The following RAD51B variants were observed in gnomAD, a reference collection of about 807,000 sequenced individuals.
The protein encoded by RAD51B is RAD51 paralog B.
RAD51B carries 38 observed loss-of-function variants against 42.2 expected under a neutral mutation model. The ratio of observed to expected loss-of-function variants is 0.90; its 90% CI spans 0.70 to 1.18. The LOEUF is 1.18. Ranked by LOEUF, RAD51B falls within the 50% of genes most tolerant of loss-of-function variation. The pLI, the probability that RAD51B is intolerant of heterozygous loss-of-function variation, is 0.00. For synonymous variants in RAD51B, 154 were observed against 145.2 expected, an observed-to-expected ratio of 1.06 and a Z score of -0.43; for missense variants, 373 against 400.7, an observed-to-expected ratio of 0.93 and a Z score of 0.59.
At position 67,821,116 on chromosome 14, in the gene RAD51B, A is replaced by G. The variant is rs182409933; in HGVS notation, c.-3+1263A>G. ...ATTGTGACACTGATCTGACTTTTGC[A>G]GGCGAATTTGGGGCTTCTTCCTGTC... is the stretch of plus-strand genomic sequence containing the variant. On this transcript the variant is annotated intron_variant, in intron 1 of 10. Coordinates refer to ENST00000471583, the MANE Select transcript of RAD51B (RefSeq NM_133510.4). Among the ~76,000 whole-genome samples the G allele has an allele frequency of 1.1e-4, 17 of 152,360 alleles. No homozygotes were observed. The East Asian group carries it at 3.3e-3, about 29-fold the overall frequency.
intron 8 of RAD51B, among the ~76,000 whole-genome samples, chr14:68,342,215 G>T (rs896217229): frequency 2.0e-5 from 3 of 152,112 alleles, no homozygotes; most frequent in Admixed American, 6.5e-5. Flanking sequence ...CCAATCCTTG[G>T]AACACAGAAG....
At chr14:68,633,342 C>T (rs953450854) in intron 10 of RAD51B, among the ~76,000 whole-genome samples, 2 of 152,098 alleles carry the variant, frequency 1.3e-5, no homozygotes, top group Admixed American at 6.6e-5. Context: ...AGAGCTACAA[C>T]GCCAAGGCTC....
chr14:67,932,260 T>C (rs2044766446), intron 7 of RAD51B, among the ~76,000 whole-genome samples: 1 of 152,256 alleles, frequency 6.6e-6, no homozygotes, highest in Admixed American at 6.5e-5. Flanking sequence ...GGGTGGGCTC[T>C]TTGGCTTTGA....
intron 11 of RAD51B, among the ~76,000 whole-genome samples, chr14:68,682,267 G>A (rs572870454): frequency 3.3e-5 from 5 of 152,166 alleles, no homozygotes; most frequent in South Asian, 4.2e-4. Context: ...ATCTGTCTCC[G>A]GTAAACCTAA....
At chr14:68,459,978 C>T (rs1427326351) in intron 9 of RAD51B, among the ~76,000 whole-genome samples, 1 of 152,188 alleles carries the variant, frequency 6.6e-6, no homozygotes, top group African/African-American at 2.4e-5. Context: ...GTACAGGAAG[C>T]CTTCCTGGCA....
chr14:68,494,872 GA>G (rs1231440005), intron 10 of RAD51B, among the ~76,000 whole-genome samples: 1 of 152,008 alleles, frequency 6.6e-6, no homozygotes. Flanking sequence ...AACAGGGACA[GA>G]AAAAAATGGA....
intron 8 of RAD51B, among the ~76,000 whole-genome samples, chr14:68,408,514 C>T (rs2084338138): frequency 2.0e-5 from 3 of 152,166 alleles, no homozygotes; most frequent in Non-Finnish European, 4.4e-5. Flanking sequence ...GGGCTCTCAT[C>T]CTTTTCAAAG....
At chr14:67,927,381 T>C (rs2044553688) in intron 7 of RAD51B, among the ~76,000 whole-genome samples, 1 of 152,224 alleles carries the variant, frequency 6.6e-6, no homozygotes, top group African/African-American at 2.4e-5. Context: ...ATATACATAA[T>C]ATTGTTACTA....
intron 10 of RAD51B, among the ~76,000 whole-genome samples, chr14:68,515,748 ATTTC>A (rs146518606): frequency 0.16 from 21,644 of 133,610 alleles, 1,937 homozygotes; most frequent in Non-Finnish European, 0.24. Context: ...AGGTGAACCA[ATTTC>A]TTTCTTTCTT....
At chr14:68,570,059 T>G (rs1889617224) in intron 10 of RAD51B, among the ~76,000 whole-genome samples, 1 of 152,264 alleles carries the variant, frequency 6.6e-6, no homozygotes, top group Admixed American at 6.5e-5. Context: ...ATTTTGTAGC[T>G]GACGGACATT....
At chr14:68,371,890 A>T (rs1332989275) in intron 8 of RAD51B, among the ~76,000 whole-genome samples, 4 of 152,256 alleles carry the variant, frequency 2.6e-5, no homozygotes, top group Non-Finnish European at 5.9e-5. Flanking sequence ...ATGCAAGTGG[A>T]CAATGACAAA....
intron 10 of RAD51B, among the ~76,000 whole-genome samples, chr14:68,475,680 A>G (rs10149340): frequency 0.43 from 65,316 of 151,728 alleles, 14,742 homozygotes; most frequent in African/African-American, 0.57. Flanking sequence ...GTTTTTTCCT[A>G]CCTCCACTTT....
rs994602478 is a variant in RAD51B at position 67,834,342 on chromosome 14, A to C, written c.199-738A>C. 2.2e-5 allele frequency among the ~76,000 whole-genome samples: 3 copies of C among 133,872 alleles called. No individual in the cohort carries two copies. The East Asian group carries it at 7.7e-4, about 34-fold the overall frequency. The allele number at this position is 133,872 out of a possible 152,430, so 87.8% of individuals were successfully genotyped here. On this transcript the variant is annotated intron_variant, in intron 3 of 10. Coordinates refer to ENST00000471583, the MANE Select transcript of RAD51B (RefSeq NM_133510.4). ...TCTGCAAACACCCATTTTGCAAATA[A>C]GGTAATATTCACAGACAGGTTCTGG...
Position 68,034,761 on chromosome 14 carries a change from T to C in RAD51B, c.756+147557T>C, listed in dbSNP as rs79233869. 5.2e-4 allele frequency among the ~76,000 whole-genome samples: 79 copies of C among 152,196 alleles called. 1 individual carries two copies. In the East Asian group the frequency reaches 0.014, roughly 27 times the overall value. ...TTGTTTTAAGTTACCCAGACGAAGA[T>C]TATATAGAAAGTTAGGGTAATGACA... is the stretch of plus-strand genomic sequence containing the variant. On this transcript the variant is annotated intron_variant, in intron 7 of 10. Transcript: ENST00000471583.
At chr14:68,389,220 T>A (rs1423778453) in intron 8 of RAD51B, among the ~76,000 whole-genome samples, 3 of 152,152 alleles carry the variant, frequency 2.0e-5, no homozygotes, top group Non-Finnish European at 4.4e-5. Flanking sequence ...GCACCCAGAT[T>A]AAGAAACATA....
intron 7 of RAD51B, among the ~76,000 whole-genome samples, chr14:68,005,269 A>G (rs745326129): frequency 1.1e-4 from 16 of 151,622 alleles, no homozygotes; most frequent in Non-Finnish European, 2.2e-4. Context: ...AGTCAGGCTG[A>G]TCTCGAACTC....
At chr14:68,541,589 C>T (rs1566932086) in intron 10 of RAD51B, 1 of 985,316 alleles carries the variant, frequency 1.0e-6, no homozygotes, top group Non-Finnish European at 1.2e-6. Context: ...GGTATGTTTT[C>T]TCATCCCTGA....
At chr14:67,849,822 C>T (rs1311571510) in intron 4 of RAD51B, among the ~76,000 whole-genome samples, 3 of 152,000 alleles carry the variant, frequency 2.0e-5, no homozygotes, top group Non-Finnish European at 4.4e-5. Context: ...TCTTTTATAT[C>T]TTTGAGTTTC....
At chr14:68,660,775 T>C (rs1404192922) in intron 11 of RAD51B, among the ~76,000 whole-genome samples, 3 of 152,222 alleles carry the variant, frequency 2.0e-5, no homozygotes, top group African/African-American at 7.2e-5. Flanking sequence ...GTGTTTGGGC[T>C]GAACCTTGAA....
Sources: gnomAD v4.1 joint callset for allele counts (sites outside exome capture counted in the v4.1 genomes callset) on GRCh38, gnomAD v4.1.1 for gene constraint, MANE v1.5 for transcripts, NCBI Gene and HGNC (gene_info 2026-07-23, HGNC 2026-07-21) for gene names.